Variants in COPG2 observed in about 807,000 individuals in gnomAD.
COPG2 encodes the protein coatomer subunit gamma-2.
In COPG2, 37 loss-of-function variants were observed where a neutral mutation model predicts 46.3. The observed-to-expected ratio is 0.80, with a 90% confidence interval of 0.61 to 1.05. The LOEUF (loss-of-function observed/expected upper bound fraction) is 1.05. Among genes scored for constraint, COPG2 ranks in the 50% least tolerant of loss-of-function variants. COPG2 has a pLI of 0.00. For missense variants in COPG2, 427 were observed against 387.8 expected (o/e 1.10, Z -0.85); for synonymous variants, 159 against 129.7 (o/e 1.23, Z -1.53).
intron 10 of COPG2, among the ~76,000 whole-genome samples, chr7:130,563,774 GA>G (rs1341758494): frequency 4.5e-5 from 4 of 88,042 alleles, no homozygotes; most frequent in Non-Finnish European, 6.5e-5. Flanking sequence ...AAAAAAAAAA[GA>G]AAAAAAAAAA....
At chr7:130,621,930 C>T (rs1421123784) in intron 5 of COPG2, among the ~76,000 whole-genome samples, 1 of 116,010 alleles carries the variant, frequency 8.6e-6, no homozygotes, top group Non-Finnish European at 1.6e-5. Context: ...GGAGACAGAG[C>T]GAGACTCCAT....
At chr7:130,577,533 G>A (rs1162537000) in intron 9 of COPG2, among the ~76,000 whole-genome samples, 2 of 151,742 alleles carry the variant, frequency 1.3e-5, no homozygotes, top group African/African-American at 2.4e-5. Context: ...AGGCCGAGGC[G>A]GGTGGATCAT....
chr7:130,538,475 T>C (rs1384302925), intron 20 of COPG2, among the ~76,000 whole-genome samples: 2 of 151,922 alleles, frequency 1.3e-5, no homozygotes, highest in Non-Finnish European at 2.9e-5. Context: ...CTCAGGGAAG[T>C]TGGTATCATG....
intron 20 of COPG2, among the ~76,000 whole-genome samples, chr7:130,520,386 G>A (rs1233329756): frequency 6.6e-6 from 1 of 152,170 alleles, no homozygotes; most frequent in Admixed American, 6.5e-5. Flanking sequence ...GTATGACTTA[G>A]TCTGGGTTTG....
At chr7:130,610,165 C>T (rs374225738) in intron 9 of COPG2, 36 of 504,676 alleles carry the variant, frequency 7.1e-5, no homozygotes, top group Non-Finnish European at 1.2e-4. Flanking sequence ...GTGCAGTAGA[C>T]ACTGATGTAA....
intron 3 of COPG2, among the ~76,000 whole-genome samples, chr7:130,666,140 C>T (rs1554461406): frequency 6.6e-6 from 1 of 152,142 alleles, no homozygotes; most frequent in African/African-American, 2.4e-5. Flanking sequence ...CATCAAGGCA[C>T]ATAAAATGGT....
chr7:130,510,408 A>AT (rs1461540390), intron 20 of COPG2, among the ~76,000 whole-genome samples: 1 of 152,056 alleles, frequency 6.6e-6, no homozygotes, highest in Non-Finnish European at 1.5e-5. Flanking sequence ...CAGGTGAGGC[A>AT]TTTTTTTTAA....
chr7:130,564,194 T>C (rs956631667), intron 10 of COPG2, 66 bp downstream of exon 10: 124,023 of 398,066 alleles, frequency 0.31, 21,977 homozygotes, highest in African/African-American at 0.57. Context: ...ACCTATTCTG[T>C]AGACCTATGA....
At chr7:130,517,629 T>C (rs1339245521) in intron 20 of COPG2, among the ~76,000 whole-genome samples, 4 of 152,216 alleles carry the variant, frequency 2.6e-5, no homozygotes, top group Non-Finnish European at 5.9e-5. Flanking sequence ...AGGAAATTAA[T>C]TGTATTTCTT....
At position 130,666,943 on chromosome 7, in the gene COPG2, TAA is replaced by T. The variant is rs1408140750; in HGVS notation, c.91-16_91-15del. 1 of 1,397,724 alleles carries T rather than the reference TAA, an allele frequency of 7.2e-7. No individual in the cohort carries two copies. The highest frequency in any genetic ancestry group is 2.2e-5 in the Admixed American group (1 of 46,252). The allele number at this position is 1,397,724 out of a possible 1,614,324, so 86.6% of individuals were successfully genotyped here. A position where few individuals can be genotyped will look rare whatever the true frequency, so the allele number is the denominator to read the frequency against. On this transcript the variant is annotated splice_polypyrimidine_tract_variant and intron_variant, in intron 2 of 23. Transcript: ENST00000425248. ...GAATATACGAGCCTATGAAAAAACA[TAA>T]AAAACATTGCTACTTTTCTACCTTT...
intron 5 of COPG2, among the ~76,000 whole-genome samples, chr7:130,644,005 A>G (rs1554457710): frequency 6.6e-6 from 1 of 152,180 alleles, no homozygotes; most frequent in African/African-American, 2.4e-5. Flanking sequence ...TGCAAAGATC[A>G]TTGGGAAATT....
At chr7:130,539,982 G>C (rs1191628295) in intron 20 of COPG2, among the ~76,000 whole-genome samples, 4 of 147,848 alleles carry the variant, frequency 2.7e-5, no homozygotes, top group African/African-American at 4.9e-5. Context: ...CTTTGTTGCA[G>C]AAGTGTGAAT....
intron 20 of COPG2, among the ~76,000 whole-genome samples, chr7:130,540,305 C>T (rs966503693): frequency 0.14 from 21,672 of 151,684 alleles, 2,771 homozygotes; most frequent in African/African-American, 0.34. Flanking sequence ...TCTTGTAGGT[C>T]GAAAGGTCAA....
At chr7:130,514,939 G>C (rs1799667215) in intron 20 of COPG2, among the ~76,000 whole-genome samples, 1 of 152,190 alleles carries the variant, frequency 6.6e-6, no homozygotes, top group Non-Finnish European at 1.5e-5. Context: ...TAGTATATGG[G>C]AGAGAAGGAA....
chr7:130,665,037 C>G (rs533804362), intron 3 of COPG2, among the ~76,000 whole-genome samples: 1 of 151,810 alleles, frequency 6.6e-6, no homozygotes, highest in South Asian at 2.1e-4. Context: ...AAAAATTAGC[C>G]AGGCGTGGTG....
intron 9 of COPG2, 107 bp downstream of exon 9, chr7:130,610,846 T>C (rs1554451939): frequency 9.6e-7 from 1 of 1,042,414 alleles, no homozygotes; most frequent in Non-Finnish European, 1.5e-6. Flanking sequence ...ATTGAACTCA[T>C]CTGTAAAGTT....
chr7:130,615,449 T>C (rs1312992408), intron 6 of COPG2, among the ~76,000 whole-genome samples: 4 of 152,208 alleles, frequency 2.6e-5, no homozygotes, highest in South Asian at 2.1e-4. Flanking sequence ...GTCTTCGTTA[T>C]AGATGCTAAA....
chr7:130,607,186 A>G, intron 9 of COPG2, among the ~76,000 whole-genome samples: 1 of 151,994 alleles, frequency 6.6e-6, no homozygotes, highest in East Asian at 1.9e-4. Flanking sequence ...GGTTGCAGTG[A>G]GCCAGGATCA....
chr7:130,530,682 G>A (rs966335366), intron 20 of COPG2, among the ~76,000 whole-genome samples: 5 of 152,134 alleles, frequency 3.3e-5, no homozygotes, highest in Admixed American at 1.3e-4. Context: ...GAGAAGAAAT[G>A]TGGACGCAAG....
Sources: gnomAD v4.1 joint callset for allele counts (sites outside exome capture counted in the v4.1 genomes callset) on GRCh38, gnomAD v4.1.1 for gene constraint, MANE v1.5 for transcripts, NCBI Gene and HGNC (gene_info 2026-07-23, HGNC 2026-07-21) for gene names.